RAB38: variants seen among roughly 807,000 people sequenced by gnomAD.
RAB38 encodes the protein RAB38, member RAS oncogene family.
A neutral mutation model predicts 18.4 loss-of-function variants in RAB38; 15 were observed. That is an observed-to-expected ratio of 0.82 (90% CI 0.55 to 1.26). The LOEUF is 1.26. Among genes scored for constraint, RAB38 ranks in the 50% most tolerant of loss-of-function variants. The pLI, the probability that RAB38 is intolerant of heterozygous loss-of-function variation, is 0.00. For missense variants in RAB38, 294 were observed against 267.4 expected (o/e 1.10, Z -0.69); for synonymous variants, 101 against 104.4 (o/e 0.97, Z 0.20).
At chr11:88,164,256 CGGTG>C (rs1943221480) in intron 1 of RAB38, among the ~76,000 whole-genome samples, 1 of 109,064 alleles carries the variant, frequency 9.2e-6, no homozygotes, top group Non-Finnish European at 2.1e-5. Context: ...AAGGTGCTCT[CGGTG>C]GGGGGGGGTG....
rs775869734 is a variant in RAB38 at position 88,129,936 on chromosome 11, C to CA, written c.484-15797dup. ...AATATTCATATTCAAAGGTGTGGAA[C>CA]AAAAAAAAACAGCCATAAATTTTGA... On this transcript the variant is annotated intron_variant, in intron 2 of 2. Transcript: ENST00000243662. Among the ~76,000 whole-genome samples, 482 of 147,500 alleles carry CA rather than the reference C, an allele frequency of 3.3e-3. 2 individuals carry two copies. Among genetic ancestry groups the CA allele is most frequent in the African/African-American group, 9.6e-3 (386 of 40,374 alleles).
At chr11:88,056,632 G>A in the RAB38 span, among the ~76,000 whole-genome samples, 1 of 151,948 alleles carries the variant, frequency 6.6e-6, no homozygotes, top group African/African-American at 2.4e-5. Flanking sequence ...GTGAAACCGC[G>A]TCTCTACTAA....
At chr11:87,886,069 G>T in the RAB38 span, among the ~76,000 whole-genome samples, 2 of 151,862 alleles carry the variant, frequency 1.3e-5, no homozygotes, top group African/African-American at 2.4e-5. Context: ...TCATTCACTT[G>T]ATACACCGTT....
chr11:88,111,920 C>G (rs1051262047), downstream of RAB38, among the ~76,000 whole-genome samples: 1 of 152,194 alleles, frequency 6.6e-6, no homozygotes, highest in African/African-American at 2.4e-5. Context: ...TGGATCTCTT[C>G]TCCAGTATTT....
At position 88,115,896 on chromosome 11, in the gene RAB38, T is replaced by C. The variant is rs373673746; in HGVS notation, c.484-1756A>G. 5 of 152,328 alleles carry C rather than the reference T, an allele frequency of 3.3e-5. No individual in the cohort carries two copies. In the East Asian group the frequency reaches 7.7e-4, roughly 24 times the overall value. 9.4% of individuals were successfully genotyped at this position (152,328 alleles called of 1,614,324 possible). A position where few individuals can be genotyped will look rare whatever the true frequency, so the allele number is the denominator to read the frequency against. On this transcript the variant is annotated intron_variant, in intron 2 of 2. Transcript: ENST00000243662. ...AGATAAAGATTATGTTTTTTGTCCA[T>C]ATGGATTTTGTTATTATTGTTGGGG...
intron 2 of RAB38, among the ~76,000 whole-genome samples, chr11:88,143,077 T>C (rs1451979875): frequency 1.3e-4 from 20 of 152,190 alleles, no homozygotes; most frequent in Admixed American, 1.3e-3. Context: ...GGTAGTGCAA[T>C]GTGGTGGTTG....
chr11:88,147,061 A>G (rs1345024612), intron 2 of RAB38, among the ~76,000 whole-genome samples: 1 of 152,242 alleles, frequency 6.6e-6, no homozygotes, highest in Non-Finnish European at 1.5e-5. Flanking sequence ...AAATGTCTTC[A>G]GAAGGTCTTT....
the RAB38 span, among the ~76,000 whole-genome samples, chr11:87,961,029 C>T: frequency 1.3e-5 from 2 of 152,108 alleles, no homozygotes; most frequent in Non-Finnish European, 2.9e-5. Flanking sequence ...AGCTTTAAAC[C>T]TAGCATTTTT....
chr11:88,163,339 C>G (rs995367495), intron 1 of RAB38, among the ~76,000 whole-genome samples: 2 of 151,998 alleles, frequency 1.3e-5, no homozygotes, highest in Admixed American at 6.6e-5. Context: ...AGAGGGAACC[C>G]CAGCAGGAAA....
chr11:87,823,006 TAA>T, the RAB38 span, among the ~76,000 whole-genome samples: 1 of 152,186 alleles, frequency 6.6e-6, no homozygotes. Context: ...TGAAAAATAT[TAA>T]AGTCTTGTTA....
chr11:87,883,826 A>G, the RAB38 span, among the ~76,000 whole-genome samples: 6 of 152,132 alleles, frequency 3.9e-5, no homozygotes, highest in Non-Finnish European at 7.4e-5. Context: ...GAGAAAGTCA[A>G]GAGAACTGTT....
chr11:88,073,185 A>G, the RAB38 span, among the ~76,000 whole-genome samples: 1 of 152,292 alleles, frequency 6.6e-6, no homozygotes, highest in South Asian at 2.1e-4. Context: ...CTGGAGAGAG[A>G]TATATCCCTG....
the RAB38 span, among the ~76,000 whole-genome samples, chr11:87,808,991 G>A: frequency 6.6e-6 from 1 of 151,994 alleles, no homozygotes; most frequent in Non-Finnish European, 1.5e-5. Context: ...AATTGGTAGA[G>A]GGGAAAGAAT....
the RAB38 span, among the ~76,000 whole-genome samples, chr11:88,017,952 T>C: frequency 6.6e-6 from 1 of 151,818 alleles, no homozygotes; most frequent in South Asian, 2.1e-4. Context: ...TCTCATGAGA[T>C]CTGATGGTTT....
intron 2 of RAB38, among the ~76,000 whole-genome samples, chr11:88,140,852 G>A (rs922137429): frequency 2.6e-5 from 4 of 152,200 alleles, no homozygotes; most frequent in African/African-American, 9.7e-5. Flanking sequence ...TCCAGCTTGA[G>A]TGTCTGTATG....
chr11:87,872,720 T>A, the RAB38 span, among the ~76,000 whole-genome samples: 1 of 151,658 alleles, frequency 6.6e-6, no homozygotes, highest in Non-Finnish European at 1.5e-5. Context: ...TTTAGCCTTT[T>A]CAGATTTGCT....
intron 1 of RAB38, among the ~76,000 whole-genome samples, chr11:88,170,527 A>G (rs1210478829): frequency 3.3e-5 from 5 of 152,192 alleles, no homozygotes; most frequent in Admixed American, 6.5e-5. Flanking sequence ...AAACAACATA[A>G]CAATGTGACC....
chr11:88,004,564 A>G, the RAB38 span, among the ~76,000 whole-genome samples: 2 of 151,336 alleles, frequency 1.3e-5, no homozygotes, highest in African/African-American at 4.8e-5. Context: ...CTATCCATCT[A>G]TGAGCAGGGC....
chr11:87,887,959 C>T, the RAB38 span, among the ~76,000 whole-genome samples: 2 of 151,866 alleles, frequency 1.3e-5, no homozygotes, highest in Non-Finnish European at 2.9e-5. Flanking sequence ...CTCCCCTGTA[C>T]CATCAAGGGC....
Sources: allele counts gnomAD v4.1 joint callset (sites outside exome capture counted in the v4.1 genomes callset), GRCh38; gene constraint gnomAD v4.1.1; transcripts MANE v1.5; gene names NCBI Gene and HGNC (gene_info 2026-07-23, HGNC 2026-07-21).